Variants in VSTM4 observed in about 807,000 individuals in gnomAD.
VSTM4 encodes V-set and transmembrane domain containing 4.
In VSTM4, 20 loss-of-function variants were observed where a neutral mutation model predicts 36.4. The observed-to-expected ratio is 0.55, with a 90% CI of 0.39 to 0.80. VSTM4 has a LOEUF of 0.80. Ranked by LOEUF, VSTM4 falls within the 30% of genes least tolerant of loss-of-function variation. VSTM4 has a pLI of 0.00. For synonymous variants in VSTM4, 182 were observed against 173.9 expected (o/e 1.05, Z -0.37); for missense variants, 392 against 404.5 (o/e 0.97, Z 0.26).
chr10:49,049,224 G>A (rs183918144), intron 5 of VSTM4, among the ~76,000 whole-genome samples: 2 of 152,294 alleles, frequency 1.3e-5, no homozygotes, highest in East Asian at 3.9e-4. Context: ...CCTTGACCCT[G>A]TGTAATTACT....
chr10:49,091,475 G>A (rs1693491744), intron 2 of VSTM4, among the ~76,000 whole-genome samples: 1 of 152,226 alleles, frequency 6.6e-6, no homozygotes, highest in Admixed American at 6.5e-5. Context: ...TCTAGAGGAA[G>A]CAGGCTGGAA....
chr10:49,044,161 C>G (rs1843563513), intron 7 of VSTM4, among the ~76,000 whole-genome samples: 1 of 152,058 alleles, frequency 6.6e-6, no homozygotes, highest in South Asian at 2.1e-4. Context: ...AACCCCAACT[C>G]TACTAAAAAT....
intron 3 of VSTM4, among the ~76,000 whole-genome samples, chr10:49,081,531 C>G (rs1844278561): frequency 6.6e-6 from 1 of 152,352 alleles, no homozygotes; most frequent in Admixed American, 6.5e-5. Context: ...CCCCAAGTGT[C>G]CCTAGCAGCA....
At chr10:49,032,876 G>C (rs1264061337) in intron 7 of VSTM4, among the ~76,000 whole-genome samples, 2 of 150,548 alleles carry the variant, frequency 1.3e-5, no homozygotes, top group African/African-American at 4.9e-5. Context: ...GAAAGACAGA[G>C]AGAGAGAGAG....
At chr10:49,088,457 C>T (rs1844412765) in intron 2 of VSTM4, among the ~76,000 whole-genome samples, 1 of 152,222 alleles carries the variant, frequency 6.6e-6, no homozygotes, top group Admixed American at 6.5e-5. Flanking sequence ...CTGTAATCTA[C>T]TGACTGCCAG....
At chr10:49,097,911 G>GT (rs1386450634) in intron 2 of VSTM4, among the ~76,000 whole-genome samples, 1 of 152,170 alleles carries the variant, frequency 6.6e-6, no homozygotes, top group East Asian at 1.9e-4. Flanking sequence ...GTTTGTTTGC[G>GT]TGTGTTCTTG....
intron 2 of VSTM4, among the ~76,000 whole-genome samples, chr10:49,106,904 G>T (rs773142984): frequency 1.7e-4 from 26 of 152,206 alleles, no homozygotes; most frequent in Non-Finnish European, 3.4e-4. Context: ...CCTCCTGAAA[G>T]TGCCTGCCTG....
intron 4 of VSTM4, among the ~76,000 whole-genome samples, chr10:49,068,175 C>T (rs541617251): frequency 2.0e-5 from 3 of 152,250 alleles, no homozygotes; most frequent in East Asian, 3.9e-4. Context: ...AGACACTGGG[C>T]AGCTGGCGTC....
chr10:49,103,519 CT>C, intron 2 of VSTM4: 1 of 1,279,906 alleles, frequency 7.8e-7, no homozygotes, highest in East Asian at 3.1e-5. Context: ...CACTATATTA[CT>C]TTTGCAATAG....
intron 7 of VSTM4, among the ~76,000 whole-genome samples, chr10:49,020,735 G>GGAAGGAAGGAAA (rs1843170018): frequency 2.3e-5 from 3 of 131,124 alleles, no homozygotes; most frequent in Non-Finnish European, 4.9e-5. Context: ...GAAGAAGGAA[G>GGAAGGAAGGAAA]GAAGGAAGGA....
At chr10:49,098,751 T>C (rs1031738218) in intron 2 of VSTM4, among the ~76,000 whole-genome samples, 2 of 152,216 alleles carry the variant, frequency 1.3e-5, no homozygotes, top group Non-Finnish European at 2.9e-5. Context: ...GTTCCCACAG[T>C]GCCCTGTGTG....
At chr10:49,056,223 C>T (rs1201117662) in intron 5 of VSTM4, among the ~76,000 whole-genome samples, 5 of 152,388 alleles carry the variant, frequency 3.3e-5, no homozygotes, top group African/African-American at 9.6e-5. Context: ...GAAGCTCTTC[C>T]TTTGTATTTC....
At chr10:49,077,521 G>A (rs1844201275) in intron 3 of VSTM4, among the ~76,000 whole-genome samples, 195 bp from the exon 4 acceptor site, 1 of 152,254 alleles carries the variant, frequency 6.6e-6, no homozygotes, top group Non-Finnish European at 1.5e-5. Context: ...ACACAGGCAT[G>A]CTCAGTTGAT....
intron 7 of VSTM4, among the ~76,000 whole-genome samples, chr10:49,037,727 A>G (rs1341638043): frequency 6.6e-6 from 1 of 152,240 alleles, no homozygotes; most frequent in Non-Finnish European, 1.5e-5. Context: ...AAAATTCACA[A>G]TATATAAAGA....
chr10:49,023,458 A>G, intron 7 of VSTM4, among the ~76,000 whole-genome samples: 1 of 152,248 alleles, frequency 6.6e-6, no homozygotes, highest in South Asian at 2.1e-4. Context: ...TTTGAGGAGA[A>G]GCTTAGAGAA....
rs954913541 is a variant in VSTM4 at position 49,082,404 on chromosome 10, C to T, written c.526+3551G>A. On this transcript the variant is annotated intron_variant, in intron 3 of 7. Transcript: ENST00000332853. ...TATGGTCAGGCATGGTGGCTCATGC[C>T]TGTAATCCTAACACTGTGGGAGGCC... Among the ~76,000 whole-genome samples the T allele has an allele frequency of 9.4e-4, 143 of 152,340 alleles. 2 individuals carry two copies. Among genetic ancestry groups the T allele is most frequent in the Non-Finnish European group, 2.2e-4 (15 of 68,030 alleles).
At chr10:49,029,936 G>T (rs1188148875) in intron 7 of VSTM4, among the ~76,000 whole-genome samples, 3 of 152,154 alleles carry the variant, frequency 2.0e-5, no homozygotes, top group African/African-American at 7.2e-5. Context: ...GGGAAAGAAA[G>T]AATCTCACTG....
intron 7 of VSTM4, 107 bp from the exon 8 acceptor site, chr10:49,019,882 C>A (rs1913523): frequency 0.99 from 1,415,897 of 1,430,158 alleles, 702,075 homozygotes; most frequent in East Asian, 1. Context: ...TGGGATTCAG[C>A]GAGGGATAAG....
At chr10:49,041,276 T>C (rs1183712160) in intron 7 of VSTM4, among the ~76,000 whole-genome samples, 2 of 152,254 alleles carry the variant, frequency 1.3e-5, no homozygotes, top group Non-Finnish European at 2.9e-5. Context: ...TGAATTGTTA[T>C]AGGTGTAAAC....
Sources: allele counts gnomAD v4.1 joint callset (sites outside exome capture counted in the v4.1 genomes callset), GRCh38; gene constraint gnomAD v4.1.1; transcripts MANE v1.5; gene names NCBI Gene and HGNC (gene_info 2026-07-23, HGNC 2026-07-21).